Variants in ESR1 observed in about 807,000 individuals in gnomAD.
ESR1 encodes the protein estrogen receptor.
In ESR1, 12 loss-of-function variants were observed where a neutral mutation model predicts 52.7. The ratio of observed to expected loss-of-function variants is 0.23; its 90% CI spans 0.15 to 0.37. The LOEUF is 0.37. ESR1 is among the 10% of genes least tolerant of loss of function. ESR1 has a pLI of 1.00. For synonymous variants in ESR1, 305 were observed against 316.8 expected, an observed-to-expected ratio of 0.96 and a Z score of 0.39; for missense variants, 584 against 779.7, an observed-to-expected ratio of 0.75 and a Z score of 2.99.
At chr6:152,010,940 C>T (rs2042715277) in intron 4 of ESR1, among the ~76,000 whole-genome samples, 1 of 151,898 alleles carries the variant, frequency 6.6e-6, no homozygotes, top group Admixed American at 6.6e-5. Context: ...CTCCTTCCTT[C>T]TTCCTTCCTT....
intron 2 of ESR1, among the ~76,000 whole-genome samples, chr6:151,864,944 G>T (rs1440328174): frequency 4.5e-4 from 50 of 110,518 alleles, no homozygotes; most frequent in Admixed American, 1.1e-3. Context: ...GTTGTGGGGT[G>T]GGGGGAGGGG....
chr6:152,126,012 C>T (rs918013840), exon 7 of ESR1: 1 of 152,340 alleles, frequency 6.6e-6, no homozygotes, highest in Non-Finnish European at 1.5e-5. Flanking sequence ...TCACCATTTA[C>T]AGAATGTGGA....
chr6:151,762,854 T>C (rs1784759774), intron 2 of ESR1, among the ~76,000 whole-genome samples: 1 of 151,884 alleles, frequency 6.6e-6, no homozygotes, highest in African/African-American at 2.4e-5. Flanking sequence ...GTCCCAGCTA[T>C]TCAGGAGGCT....
At chr6:151,689,135 G>A (rs1778801472), upstream of ESR1, among the ~76,000 whole-genome samples, 1 of 152,132 alleles carries the variant, frequency 6.6e-6, no homozygotes, top group Non-Finnish European at 1.5e-5. Context: ...GTATTGATGT[G>A]TAAAACTGGT....
chr6:152,105,836 G>A (rs1202200553), downstream of ESR1, among the ~76,000 whole-genome samples: 145 of 131,892 alleles, frequency 1.1e-3, no homozygotes, highest in African/African-American at 3.8e-3. Context: ...GCCGGACTGC[G>A]GACTGCAGTG....
chr6:151,810,141 A>G (rs1778568121), intron 1 of ESR1, among the ~76,000 whole-genome samples: 1 of 152,194 alleles, frequency 6.6e-6, no homozygotes, highest in Non-Finnish European at 1.5e-5. Context: ...TCAAATACAG[A>G]GGGGATCGCA....
At chr6:151,785,952 A>G (rs1786980810) in intron 2 of ESR1, among the ~76,000 whole-genome samples, 1 of 152,090 alleles carries the variant, frequency 6.6e-6, no homozygotes, top group African/African-American at 2.4e-5. Flanking sequence ...GTGGGAGGAA[A>G]ATCTTGGTGC....
At chr6:151,953,494 G>A (rs372475887) in intron 4 of ESR1, among the ~76,000 whole-genome samples, 7 of 152,184 alleles carry the variant, frequency 4.6e-5, no homozygotes, top group African/African-American at 1.7e-4. Context: ...AGGCTGAGGT[G>A]GGCGGATCAC....
At chr6:152,006,338 G>A (rs528907965) in intron 4 of ESR1, among the ~76,000 whole-genome samples, 29 of 151,936 alleles carry the variant, frequency 1.9e-4, no homozygotes, top group African/African-American at 6.3e-4. Context: ...TACAGAATGG[G>A]AATCATAGCT....
intron 2 of ESR1, among the ~76,000 whole-genome samples, chr6:151,776,603 C>T (rs1433018093): frequency 6.6e-6 from 1 of 152,134 alleles, no homozygotes; most frequent in African/African-American, 2.4e-5. Flanking sequence ...TTTGGGAGAC[C>T]AAGGCAGGAG....
At chr6:151,865,098 T>TA (rs1181565784) in intron 2 of ESR1, among the ~76,000 whole-genome samples, 7 of 152,040 alleles carry the variant, frequency 4.6e-5, no homozygotes, top group Admixed American at 2.6e-4. Context: ...AAAAAATATT[T>TA]AAAAAATCTA....
intron 2 of ESR1, among the ~76,000 whole-genome samples, chr6:151,788,102 T>C (rs1406032726): frequency 6.6e-6 from 1 of 152,090 alleles, no homozygotes; most frequent in Non-Finnish European, 1.5e-5. Context: ...AAGCAGAAAT[T>C]GAGAAATGAG....
intron 2 of ESR1, among the ~76,000 whole-genome samples, chr6:151,873,079 G>C (rs549548086): frequency 6.6e-6 from 1 of 152,284 alleles, no homozygotes; most frequent in East Asian, 1.9e-4. Flanking sequence ...TCAGACAGTT[G>C]CAGAGATTCC....
At chr6:151,914,764 A>G (rs1798788013) in intron 3 of ESR1, among the ~76,000 whole-genome samples, 1 of 152,206 alleles carries the variant, frequency 6.6e-6, no homozygotes, top group Admixed American at 6.5e-5. Context: ...GTTGTGACAT[A>G]TAAAGCGTCC....
chr6:152,115,312 A>C (rs913776712), intron 6 of ESR1, among the ~76,000 whole-genome samples: 1 of 152,224 alleles, frequency 6.6e-6, no homozygotes, highest in Non-Finnish European at 1.5e-5. Context: ...TAATTAATTC[A>C]ACAATCCTCC....
At chr6:151,673,583 A>C (rs1008100184) in intron 1 of ESR1, among the ~76,000 whole-genome samples, 1 of 152,130 alleles carries the variant, frequency 6.6e-6, no homozygotes, top group Admixed American at 6.5e-5. Context: ...AATATAATCT[A>C]TAAAAAATTC....
chr6:151,765,616 G>A (rs1292045647), intron 2 of ESR1, among the ~76,000 whole-genome samples: 2 of 151,992 alleles, frequency 1.3e-5, no homozygotes, highest in Non-Finnish European at 2.9e-5. Flanking sequence ...TTAGTTCCAT[G>A]TCGACCCTGT....
intron 3 of ESR1, among the ~76,000 whole-genome samples, chr6:151,893,645 A>G (rs1382180209): frequency 6.6e-6 from 1 of 152,156 alleles, no homozygotes; most frequent in Non-Finnish European, 1.5e-5. Flanking sequence ...TTATTGATAC[A>G]TTATGTATGT....
upstream of ESR1, chr6:151,805,932 G>C (rs1317128314): frequency 6.6e-6 from 1 of 152,168 alleles, no homozygotes; most frequent in Non-Finnish European, 1.5e-5. Flanking sequence ...TGTTCTCCAT[G>C]GGGGTATGTG....
Sources: gnomAD v4.1 joint callset for allele counts (sites outside exome capture counted in the v4.1 genomes callset) on GRCh38, gnomAD v4.1.1 for gene constraint, MANE v1.5 for transcripts, NCBI Gene and HGNC (gene_info 2026-07-23, HGNC 2026-07-21) for gene names.